The following MCTP2 variants were observed in gnomAD, a reference collection of about 807,000 sequenced individuals.
The protein encoded by MCTP2 is multiple C2 and transmembrane domain containing 2, also known as multiple C2 and transmembrane domain-containing protein 2.
In MCTP2, 132 loss-of-function variants were observed where a neutral mutation model predicts 111.6. The observed-to-expected ratio is 1.18, with a 90% CI of 1.03 to 1.37. MCTP2 has a LOEUF of 1.37. Among genes scored for constraint, MCTP2 ranks in the 40% most tolerant of loss-of-function variants. The pLI, the probability that MCTP2 is intolerant of heterozygous loss-of-function variation, is 0.00. For synonymous variants in MCTP2, 395 were observed against 387.7 expected, an observed-to-expected ratio of 1.02 and a Z score of -0.22; for missense variants, 1,183 against 1,067.9, an observed-to-expected ratio of 1.11 and a Z score of -1.50.
chr15:94,465,619 T>C (rs1032496934), intron 20 of MCTP2, among the ~76,000 whole-genome samples: 1 of 152,136 alleles, frequency 6.6e-6, no homozygotes, highest in Non-Finnish European at 1.5e-5. Flanking sequence ...TTTCAACCTG[T>C]CTTTTTGTTT....
In MCTP2 at chr15:94,427,541, A is replaced by C. The variant is rs77108624; in HGVS notation, c.2086-12635A>C. On this transcript the variant is annotated intron_variant, in intron 17 of 22. Coordinates refer to ENST00000357742, the MANE Select transcript of MCTP2 (RefSeq NM_001385001.1). ...CACTTTCTAACAACCAGATCTCATG[A>C]GAACTCACTCACTATCACGAGAACA... 7.9e-3 allele frequency among the ~76,000 whole-genome samples: 1,200 copies of C among 152,276 alleles called. 15 individuals carry two copies. Among genetic ancestry groups the C allele is most frequent in the African/African-American group, 0.027 (1,128 of 41,552 alleles).
chr15:94,391,395 T>C (rs1460697695), intron 14 of MCTP2, among the ~76,000 whole-genome samples: 2 of 152,238 alleles, frequency 1.3e-5, no homozygotes, highest in South Asian at 2.1e-4. Context: ...TAAATAATAT[T>C]GATTTATAAT....
intron 1 of MCTP2, among the ~76,000 whole-genome samples, chr15:94,292,199 C>T (rs2075064498): frequency 2.6e-5 from 4 of 152,062 alleles, no homozygotes; most frequent in Admixed American, 2.6e-4. Flanking sequence ...ACCTCTAGCA[C>T]TATACTTACT....
intron 4 of MCTP2, among the ~76,000 whole-genome samples, chr15:94,318,834 C>T (rs1320839498): frequency 6.6e-6 from 1 of 152,186 alleles, no homozygotes; most frequent in Non-Finnish European, 1.5e-5. Flanking sequence ...CTTGCTGTTT[C>T]AAGACCAAAG....
chr15:94,293,192 T>G (rs2075107283), intron 1 of MCTP2, among the ~76,000 whole-genome samples: 1 of 151,992 alleles, frequency 6.6e-6, no homozygotes, highest in South Asian at 2.1e-4. Context: ...AACATAAAAT[T>G]TTAAAAAATG....
intron 17 of MCTP2, among the ~76,000 whole-genome samples, chr15:94,424,798 A>G (rs191643448): frequency 5.3e-5 from 8 of 152,144 alleles, no homozygotes; most frequent in Admixed American, 4.6e-4. Context: ...TGCATTTTTT[A>G]TTATAATACT....
intron 9 of MCTP2, 83 bp downstream of exon 9, chr15:94,356,384 A>G (rs2078627311): frequency 1.5e-6 from 2 of 1,302,712 alleles, no homozygotes; most frequent in Non-Finnish European, 2.0e-6. Context: ...TAAATTTTAC[A>G]AAAGTAGAAG....
At chr15:94,282,605 A>G (rs755892093) in intron 1 of MCTP2, among the ~76,000 whole-genome samples, 3 of 152,230 alleles carry the variant, frequency 2.0e-5, no homozygotes, top group Non-Finnish European at 2.9e-5. Flanking sequence ...TGGAGGTCAG[A>G]AGATACTCTG....
At chr15:94,325,302 A>G (rs1394830400) in intron 4 of MCTP2, among the ~76,000 whole-genome samples, 1 of 152,196 alleles carries the variant, frequency 6.6e-6, no homozygotes, top group African/African-American at 2.4e-5. Flanking sequence ...GAGCTGAAAC[A>G]GTCATATGCA....
intron 4 of MCTP2, among the ~76,000 whole-genome samples, chr15:94,335,291 A>G (rs1027116565): frequency 6.6e-6 from 1 of 152,248 alleles, no homozygotes; most frequent in Non-Finnish European, 1.5e-5. Flanking sequence ...GGTGTAAAAA[A>G]AGAAAAGAAT....
intron 22 of MCTP2, 110 bp downstream of exon 22, chr15:94,476,903 C>A: frequency 1.5e-6 from 1 of 671,416 alleles, no homozygotes; most frequent in South Asian, 1.8e-5. Flanking sequence ...GATAAGGAAC[C>A]AGAAAATCCT....
intron 7 of MCTP2, 34 bp from the exon 8 acceptor site, chr15:94,345,095 C>G (rs1276681144): frequency 1.2e-6 from 2 of 1,610,046 alleles, no homozygotes; most frequent in African/African-American, 2.7e-5. Flanking sequence ...TTTTATTTTG[C>G]CATTTTCACC....
intron 1 of MCTP2, among the ~76,000 whole-genome samples, chr15:94,243,133 G>C (rs114082661): frequency 0.17 from 11,250 of 64,552 alleles, 3,636 homozygotes; most frequent in African/African-American, 0.24. Context: ...GTATCTACGG[G>C]TGTGGATATA....
chr15:94,318,563 A>G (rs1022285044), intron 4 of MCTP2, among the ~76,000 whole-genome samples: 5 of 152,114 alleles, frequency 3.3e-5, no homozygotes, highest in Non-Finnish European at 5.9e-5. Flanking sequence ...GTGAGCCACC[A>G]CGCCCGGCCA....
At chr15:94,243,297 A>G (rs2071220175) in intron 1 of MCTP2, among the ~76,000 whole-genome samples, 1 of 148,808 alleles carries the variant, frequency 6.7e-6, no homozygotes, top group Non-Finnish European at 1.5e-5. Context: ...GTATATGCAT[A>G]TATACATACA....
chr15:94,439,676 A>G (rs1222996012), intron 17 of MCTP2, among the ~76,000 whole-genome samples: 2 of 152,194 alleles, frequency 1.3e-5, no homozygotes. Flanking sequence ...GATGTAGACA[A>G]TGCTAGCCAA....
At position 94,250,634 on chromosome 15, in the gene MCTP2, G is replaced by A. The variant is rs181114006; in HGVS notation, c.-66+18970G>A. Among the ~76,000 whole-genome samples, 363 of 152,272 alleles carry A rather than the reference G, an allele frequency of 2.4e-3. 5 individuals carry two copies. Among genetic ancestry groups the A allele is most frequent in the Admixed American group, 6.7e-3 (102 of 15,292 alleles). On this transcript the variant is annotated intron_variant, in intron 1 of 22. Transcript: ENST00000357742. Reference sequence around the variant, plus strand: ...TCTATTTTTTTCTATTAGCTGAACAGCAGTCTTTATCTCTGTTATATGAAA... The same window carrying A: ...TCTATTTTTTTCTATTAGCTGAACAACAGTCTTTATCTCTGTTATATGAAA...
chr15:94,233,353 G>C (rs1369625733), intron 1 of MCTP2, among the ~76,000 whole-genome samples: 1 of 151,870 alleles, frequency 6.6e-6, no homozygotes, highest in African/African-American at 2.4e-5. Flanking sequence ...ATTTTGAAAG[G>C]CCTGATATAT....
chr15:94,342,443 C>T (rs2077697400), intron 7 of MCTP2: 1 of 152,058 alleles, frequency 6.6e-6, no homozygotes, highest in Non-Finnish European at 1.5e-5. Flanking sequence ...TCCTCTGACT[C>T]CCCACCTCCC....
Sources: gnomAD v4.1 joint callset for allele counts (sites outside exome capture counted in the v4.1 genomes callset) on GRCh38, gnomAD v4.1.1 for gene constraint, MANE v1.5 for transcripts, NCBI Gene and HGNC (gene_info 2026-07-23, HGNC 2026-07-21) for gene names.